The following CDH4 variants were observed in gnomAD, a reference collection of about 807,000 sequenced individuals.
CDH4 encodes the protein cadherin-4.
Under a neutral mutation model 86.0 loss-of-function variants are expected in CDH4, and 33 were observed. The observed-to-expected ratio is 0.38, with a 90% CI of 0.29 to 0.51. The LOEUF is 0.51. Ranked by LOEUF, CDH4 falls within the 20% of genes least tolerant of loss-of-function variation. CDH4 has a pLI of 0.86. For missense variants in CDH4, 1,114 were observed against 1,307.4 expected (o/e 0.85, Z 2.28); for synonymous variants, 555 against 549.4 (o/e 1.01, Z -0.14).
rs143374052 is a variant in CDH4 at position 61,674,931 on chromosome 20, T to C, written c.170-68632T>C. Among the ~76,000 whole-genome samples the C allele has an allele frequency of 4.7e-3, 720 of 152,370 alleles. 4 individuals carry two copies. The highest frequency in any genetic ancestry group is 0.017 in the Middle Eastern group (5 of 294). On this transcript the variant is annotated intron_variant, in intron 2 of 15. Transcript: ENST00000614565. ...GCCATACCTATTCCTGTACGTATTGTCTGTGGCTGCCTTTGCCTCTGCTGT... is the reference window on the plus strand; with the variant it reads ...GCCATACCTATTCCTGTACGTATTGCCTGTGGCTGCCTTTGCCTCTGCTGT...
Position 61,675,824 on chromosome 20 carries a change from C to T in CDH4, c.170-67739C>T, listed in dbSNP as rs113168829. On this transcript the variant is annotated intron_variant, in intron 2 of 15. Transcript: ENST00000614565. The stretch of plus-strand genomic sequence containing the variant: ...AGCACTCCCGTGGAAACAACCATCG[C>T]AGGGGCTGAGGCTTTGGGCTCAGCC... Among the ~76,000 whole-genome samples the T allele has an allele frequency of 1.6e-3, 189 of 118,728 alleles. 1 individual carries two copies. The highest frequency in any genetic ancestry group is 6.8e-3 in the Middle Eastern group (1 of 146). 77.9% of individuals were successfully genotyped at this position (118,728 alleles called of 152,430 possible). A position where few individuals can be genotyped will look rare whatever the true frequency, so the allele number is the denominator to read the frequency against.
intron 2 of CDH4, among the ~76,000 whole-genome samples, chr20:61,743,214 A>G (rs1378874453): frequency 1.3e-5 from 2 of 152,218 alleles, no homozygotes; most frequent in Non-Finnish European, 2.9e-5. Context: ...AACTGAGGGA[A>G]TATTTTTGAG....
At chr20:61,469,895 ATCTCTTCTG>A (rs1239000290) in intron 2 of CDH4, among the ~76,000 whole-genome samples, 3 of 152,106 alleles carry the variant, frequency 2.0e-5, no homozygotes, top group Non-Finnish European at 2.9e-5. Context: ...TTTCTGGGTT[ATCTCTTCTG>A]TTCCATTGGC....
At chr20:61,845,400 C>G (rs1037898020) in intron 5 of CDH4, among the ~76,000 whole-genome samples, 1 of 152,320 alleles carries the variant, frequency 6.6e-6, no homozygotes, top group East Asian at 1.9e-4. Flanking sequence ...CGTGGGGCTG[C>G]GGCCTCAGCT....
Position 61,902,054 on chromosome 20 carries a change from C to T in CDH4, c.1188+7007C>T, listed in dbSNP as rs1015470958. Reference sequence around the variant, plus strand: ...AGCAAATCACCAAGATGCAGTCCTGCGTGTCACACCTGAGGAGCAGCCTGG... The same window carrying T: ...AGCAAATCACCAAGATGCAGTCCTGTGTGTCACACCTGAGGAGCAGCCTGG... On this transcript the variant is annotated intron_variant, in intron 8 of 15. Coordinates refer to ENST00000614565, the MANE Select transcript of CDH4 (RefSeq NM_001794.5). This position sits in a 1 kb window ranked among gnomAD's most constrained non-coding sequence, Gnocchi z 4.6. 6.6e-5 allele frequency among the ~76,000 whole-genome samples: 10 copies of T among 152,192 alleles called. No homozygotes were observed. Among genetic ancestry groups the T allele is most frequent in the East Asian group, 1.9e-4 (1 of 5,190 alleles).
At chr20:61,570,761 C>T (rs562893026) in intron 2 of CDH4, 18 of 702,378 alleles carry the variant, frequency 2.6e-5, no homozygotes, top group African/African-American at 1.2e-4. Context: ...CCTTGAGCCA[C>T]GGCTTGTGAT....
chr20:61,904,352 T>A (rs1216455702), intron 8 of CDH4, among the ~76,000 whole-genome samples: 1 of 152,104 alleles, frequency 6.6e-6, no homozygotes, highest in Non-Finnish European at 1.5e-5. Flanking sequence ...ACTGGTGGGA[T>A]GTGGGACAGG....
chr20:61,479,064 T>C (rs1353975990), intron 2 of CDH4, among the ~76,000 whole-genome samples: 4 of 152,132 alleles, frequency 2.6e-5, no homozygotes, highest in Admixed American at 2.0e-4. Flanking sequence ...TCTTCTGGCT[T>C]GCATCATTTC....
chr20:61,843,231 A>ACT (rs1982256942), intron 4 of CDH4, among the ~76,000 whole-genome samples: 1 of 151,400 alleles, frequency 6.6e-6, no homozygotes, highest in African/African-American at 2.4e-5. Context: ...CGGGTGAATC[A>ACT]TGAGGTCAGG....
intron 2 of CDH4, among the ~76,000 whole-genome samples, chr20:61,536,829 A>AG (rs1368295031): frequency 2.0e-5 from 3 of 152,108 alleles, no homozygotes; most frequent in African/African-American, 7.2e-5. Context: ...AGAGGAAGGA[A>AG]GGAGGGCACA....
chr20:61,678,472 TTAA>T (rs1432033315), intron 2 of CDH4, among the ~76,000 whole-genome samples: 1 of 152,170 alleles, frequency 6.6e-6, no homozygotes. Context: ...GTCACAGACA[TTAA>T]TAATGCGAAA....
chr20:61,533,504 A>G (rs1356749631), intron 2 of CDH4, among the ~76,000 whole-genome samples: 8 of 152,224 alleles, frequency 5.3e-5, no homozygotes. Flanking sequence ...AGGGCAGGGC[A>G]TGCCTGAGGA....
chr20:61,272,627 G>A (rs2084189129), intron 2 of CDH4, among the ~76,000 whole-genome samples: 1 of 152,190 alleles, frequency 6.6e-6, no homozygotes, highest in South Asian at 2.1e-4. Context: ...GGTGATAAAT[G>A]CCCAGTTTAG....
intron 2 of CDH4, among the ~76,000 whole-genome samples, chr20:61,349,498 G>A (rs887928782): frequency 2.6e-5 from 4 of 152,262 alleles, no homozygotes; most frequent in African/African-American, 9.6e-5. Context: ...AAATCCTGCA[G>A]GTGCCCGGGA....
chr20:61,429,220 C>T (rs1286815629), intron 2 of CDH4, among the ~76,000 whole-genome samples: 1 of 152,078 alleles, frequency 6.6e-6, no homozygotes, highest in African/African-American at 2.4e-5. Flanking sequence ...AGGTAGGGAC[C>T]ACCTTTATAT....
chr20:61,418,200 CT>C (rs1302078776), intron 2 of CDH4, among the ~76,000 whole-genome samples: 2 of 125,724 alleles, frequency 1.6e-5, no homozygotes, highest in Admixed American at 8.0e-5. Context: ...AAACTTTTTT[CT>C]TTTTTTTCTT....
At chr20:61,522,936 G>A (rs1013362842) in intron 2 of CDH4, among the ~76,000 whole-genome samples, 2 of 152,212 alleles carry the variant, frequency 1.3e-5, no homozygotes, top group African/African-American at 2.4e-5. Flanking sequence ...CAAAGCTGCC[G>A]ACACGCAGGT....
intron 2 of CDH4, among the ~76,000 whole-genome samples, chr20:61,545,765 G>C (rs368506431): frequency 1.6e-4 from 24 of 151,814 alleles, no homozygotes; most frequent in African/African-American, 5.1e-4. Context: ...TGAGTGTGTG[G>C]GGGTGGGGTG....
At chr20:61,702,481 T>C (rs374622668) in intron 2 of CDH4, among the ~76,000 whole-genome samples, 15 of 152,302 alleles carry the variant, frequency 9.8e-5, no homozygotes, top group Middle Eastern at 3.4e-3. Flanking sequence ...GTCACTAGCC[T>C]AGGTGCAGAC....
Sources: allele counts gnomAD v4.1 joint callset (sites outside exome capture counted in the v4.1 genomes callset), GRCh38; gene constraint gnomAD v4.1.1; non-coding constraint Gnocchi (gnomAD v3.1); transcripts MANE v1.5; gene names NCBI Gene and HGNC (gene_info 2026-07-23, HGNC 2026-07-21).